The following CHD7 variants were observed in gnomAD, a reference collection of about 807,000 sequenced individuals.
CHD7 encodes the protein ATP-dependent chromatin remodeler CHD7.
CHD7 carries 24 observed loss-of-function variants against 307.3 expected under a neutral mutation model. The ratio of observed to expected loss-of-function variants is 0.08; its 90% CI spans 0.06 to 0.11. The LOEUF is 0.11. Ranked by LOEUF, CHD7 falls within the 10% of genes least tolerant of loss-of-function variation. The pLI is 1.00. For synonymous variants in CHD7, 1,363 were observed against 1,349.9 expected, an observed-to-expected ratio of 1.01 and a Z score of -0.21; for missense variants, 3,106 against 3,727.1, an observed-to-expected ratio of 0.83 and a Z score of 4.34.
At chr8:60,858,822 C>T (rs1805835770) in intron 34 of CHD7, among the ~76,000 whole-genome samples, 1 of 152,120 alleles carries the variant, frequency 6.6e-6, no homozygotes, top group Non-Finnish European at 1.5e-5. Context: ...GTTGCCCAGG[C>T]TGGTCTCAAA....
At chr8:60,684,653 T>C (rs917779589) in intron 1 of CHD7, among the ~76,000 whole-genome samples, 2 of 152,076 alleles carry the variant, frequency 1.3e-5, no homozygotes, top group African/African-American at 4.8e-5. Context: ...AGGCTGTGTG[T>C]TTGAGGCATT....
At chr8:60,863,745 T>C (rs1278909471) in intron 37 of CHD7, 2 of 149,344 alleles carry the variant, frequency 1.3e-5, no homozygotes, top group Non-Finnish European at 3.0e-5. Context: ...TTTCTTTTTT[T>C]TTTTTTTTTT....
At chr8:60,739,253 C>A (rs1298310359) in intron 1 of CHD7, among the ~76,000 whole-genome samples, 2 of 152,196 alleles carry the variant, frequency 1.3e-5, no homozygotes, top group Non-Finnish European at 2.9e-5. Flanking sequence ...CGTTACTTTC[C>A]TTAAGCTAAT....
intron 16 of CHD7, 71 bp downstream of exon 16, chr8:60,836,354 C>T (rs1336778247): frequency 2.3e-6 from 3 of 1,288,174 alleles, no homozygotes; most frequent in Non-Finnish European, 3.2e-6. Flanking sequence ...AAGCAGTCCA[C>T]CTAAAAGTGG....
At chr8:60,814,467 A>G (rs1317619659) in intron 7 of CHD7, among the ~76,000 whole-genome samples, 2 of 152,308 alleles carry the variant, frequency 1.3e-5, no homozygotes. Flanking sequence ...GGCAGGGGGA[A>G]GAGGGTCTCC....
intron 34 of CHD7, among the ~76,000 whole-genome samples, chr8:60,857,599 A>C (rs1386162687): frequency 6.6e-6 from 1 of 152,172 alleles, no homozygotes; most frequent in Non-Finnish European, 1.5e-5. Flanking sequence ...CCTATTGACC[A>C]GAAGCCCCAG....
At chr8:60,701,550 A>G (rs967562399) in intron 1 of CHD7, among the ~76,000 whole-genome samples, 1 of 152,230 alleles carries the variant, frequency 6.6e-6, no homozygotes, top group Admixed American at 6.5e-5. Context: ...TAGAGTGTGG[A>G]TTACTTTATT....
chr8:60,826,381 G>A (rs542661162), intron 13 of CHD7, among the ~76,000 whole-genome samples: 1 of 152,312 alleles, frequency 6.6e-6, no homozygotes, highest in African/African-American at 2.4e-5. Context: ...ATATAATTAT[G>A]TTTGTCCAAT....
chr8:60,823,977 G>C lies in CHD7; in HGVS notation c.3339G>C (p.Arg1113Ser). ...ATGAAGCCCACAGGCTGAAGAACAG[G>C]AACTGCAAGCTGTTGGAGGGACTCA... ...VIDEAHRLKNRNCKLLEGLKM... is the reference protein window; with the variant it reads ...VIDEAHRLKNSNCKLLEGLKM... Residue 1113 changes from arginine (R) to serine (S), a missense_variant, in exon 13 of 38, where the codon AGG becomes AGC. Transcript: ENST00000423902. The C allele has an allele frequency of 6.2e-7, 1 of 1,613,816 alleles. No individual in the cohort carries two copies. Among genetic ancestry groups the C allele is most frequent in the Non-Finnish European group, 8.5e-7 (1 of 1,179,754 alleles).
chr8:60,849,541 C>T (rs1208593350), intron 25 of CHD7, among the ~76,000 whole-genome samples: 1 of 152,192 alleles, frequency 6.6e-6, no homozygotes, highest in Non-Finnish European at 1.5e-5. Context: ...CAAGTGCCTC[C>T]TGGGCTTTGT....
intron 1 of CHD7, among the ~76,000 whole-genome samples, chr8:60,704,839 A>G (rs1421469688): frequency 6.6e-6 from 1 of 151,930 alleles, no homozygotes; most frequent in Non-Finnish European, 1.5e-5. Context: ...AACAAGAGGT[A>G]CCCTTTCTCT....
At chr8:60,754,775 A>C (rs1389273220) in intron 2 of CHD7, among the ~76,000 whole-genome samples, 1 of 152,220 alleles carries the variant, frequency 6.6e-6, no homozygotes, top group East Asian at 1.9e-4. Flanking sequence ...TTCAAATGGC[A>C]GGTTAAGTTG....
chr8:60,865,664 C>T lies in CHD7; in HGVS notation c.8725C>T (p.Leu2909=). 1 of 1,608,210 alleles carries T rather than the reference C, an allele frequency of 6.2e-7. No homozygotes were observed. The highest frequency in any genetic ancestry group is 8.5e-7 in the Non-Finnish European group (1 of 1,175,798). ...GGGCCTCTTCTACCCATCCATGTTT[C>T]TACCTCCAGGACTGGGGGGATTGAC... ...APGLFYPSMF[L]PPGLGGLTLP... Residue 2909 remains leucine (L), a synonymous_variant, in exon 38 of 38, where the codon CTA becomes TTA. Transcript: ENST00000423902. The surrounding 1 kb of genome is among the most constrained non-coding windows in gnomAD (Gnocchi z 4.3).
intron 1 of CHD7, among the ~76,000 whole-genome samples, chr8:60,703,397 A>C (rs1170858232): frequency 1.3e-5 from 2 of 152,200 alleles, no homozygotes; most frequent in South Asian, 4.1e-4. Flanking sequence ...GGGGAAGAAC[A>C]TGTTAAAATT....
rs796235452 is a variant in CHD7 at position 60,866,199 on chromosome 8, CT to C, written c.*277del. 4,516 of 249,430 alleles carry C rather than the reference CT, an allele frequency of 0.018. No homozygotes were observed. The highest frequency in any genetic ancestry group is 0.027 in the East Asian group (366 of 13,518). 15.5% of individuals were successfully genotyped at this position (249,430 alleles called of 1,614,324 possible). On this transcript the variant is annotated 3_prime_UTR_variant, in exon 38 of 38. Coordinates refer to ENST00000423902, the MANE Select transcript of CHD7 (RefSeq NM_017780.4). ...TTAAGGAAACTTACATAATGCTCTGCTTTTTTTTTTTCTCTTGGTACCATTG... is the reference window on the plus strand; with the variant it reads ...TTAAGGAAACTTACATAATGCTCTGCTTTTTTTTTTCTCTTGGTACCATTG...
intron 1 of CHD7, among the ~76,000 whole-genome samples, chr8:60,708,075 G>A (rs534960549): frequency 6.6e-6 from 1 of 152,312 alleles, no homozygotes; most frequent in Non-Finnish European, 1.5e-5. Context: ...TCGAAGGGTG[G>A]TGCGTAAAGC....
intron 1 of CHD7, among the ~76,000 whole-genome samples, chr8:60,721,556 A>G (rs1807907887): frequency 6.6e-6 from 1 of 152,242 alleles, no homozygotes; most frequent in African/African-American, 2.4e-5. Flanking sequence ...TGCCTCAGGC[A>G]TTATTGTTTT....
At chr8:60,864,736 A>T in intron 37 of CHD7, 1 of 422,772 alleles carries the variant, frequency 2.4e-6, no homozygotes, top group Non-Finnish European at 4.3e-6. Flanking sequence ...CCCATAATGT[A>T]CTTTCTGATG....
intron 3 of CHD7, among the ~76,000 whole-genome samples, chr8:60,786,955 C>T (rs1375049872): frequency 6.6e-6 from 1 of 152,072 alleles, no homozygotes. Flanking sequence ...CTCACTTCAG[C>T]CACCTTTATG....
Sources: gnomAD v4.1 joint callset for allele counts (sites outside exome capture counted in the v4.1 genomes callset) on GRCh38, gnomAD v4.1.1 for gene constraint, Gnocchi (gnomAD v3.1) non-coding constraint, MANE v1.5 for transcripts, NCBI Gene and HGNC (gene_info 2026-07-23, HGNC 2026-07-21) for gene names.